Variants in LRRC34 observed in about 807,000 individuals in gnomAD.
LRRC34 encodes leucine-rich repeat-containing protein 34.
Under a neutral mutation model 48.5 loss-of-function variants are expected in LRRC34, and 44 were observed. The ratio of observed to expected loss-of-function variants is 0.91; its 90% CI spans 0.71 to 1.17. The LOEUF (loss-of-function observed/expected upper bound fraction) is 1.17. Among genes scored for constraint, LRRC34 ranks in the 50% most tolerant of loss-of-function variants. The pLI, the probability that LRRC34 is intolerant of heterozygous loss-of-function variation, is 0.00. For synonymous variants in LRRC34, 192 were observed against 197.6 expected, an observed-to-expected ratio of 0.97 and a Z score of 0.24; for missense variants, 502 against 563.0, an observed-to-expected ratio of 0.89 and a Z score of 1.10.
rs1779010015 is a variant in LRRC34 at position 169,796,877 on chromosome 3, C to G, written c.776G>C (p.Gly259Ala). 2 of 1,600,832 alleles carry G rather than the reference C, an allele frequency of 1.2e-6. No homozygotes were observed. The highest frequency in any genetic ancestry group is 1.7e-5 in the Admixed American group (1 of 57,564). The change falls in exon 8 of 11, where the codon GGC (glycine) becomes GCC (alanine). Residue 259 changes from glycine (G) to alanine (A), a missense_variant. Coordinates refer to ENST00000446859, the MANE Select transcript of LRRC34 (RefSeq NM_001172779.2). ...SEQEESTVHVGRMLKENHCLV... is the reference protein window; with the variant it reads ...SEQEESTVHVARMLKENHCLV... ...ACAGTGATTTTCTTTCAACATGCGG[C>G]CTACATGGACTGTAGACTCTTCCTA... is the stretch of plus-strand genomic sequence containing the variant.
In LRRC34 at chr3:169,812,587, G is replaced by A; in HGVS notation, c.-39C>T. 4 of 1,433,598 alleles carry A rather than the reference G, an allele frequency of 2.8e-6. No homozygotes were observed. Among genetic ancestry groups the A allele is most frequent in the Non-Finnish European group, 3.6e-6 (4 of 1,100,732 alleles). The allele number at this position is 1,433,598 out of a possible 1,614,324, so 88.8% of individuals were successfully genotyped here. On this transcript the variant is annotated 5_prime_UTR_variant, in exon 1 of 11. Coordinates refer to ENST00000446859, the MANE Select transcript of LRRC34 (RefSeq NM_001172779.2). The surrounding 1 kb of genome is among the most constrained non-coding windows in gnomAD (Gnocchi z 4.3). The stretch of plus-strand genomic sequence containing the variant: ...GCACTTACAGTCCGCCTGCAGCTGT[G>A]AGGCGGCTACACGAGCCTCGGCGCC...
chr3:169,806,097 A>G (rs1373768059), intron 5 of LRRC34, among the ~76,000 whole-genome samples: 2 of 152,166 alleles, frequency 1.3e-5, no homozygotes, highest in African/African-American at 2.4e-5. Context: ...AGATTAAAAG[A>G]ATAGAATTGA....
chr3:169,807,896 C>G, intron 2 of LRRC34, 187 bp from the exon 3 acceptor site: 1 of 640,894 alleles, frequency 1.6e-6, no homozygotes, highest in Non-Finnish European at 2.4e-6. Context: ...ACTGAACATT[C>G]TGCAGACTGC....
At position 169,812,803 on chromosome 3, in the gene LRRC34, T is replaced by TG. The variant is rs1779651390; in HGVS notation, c.-256dup. Reference sequence around the variant, plus strand: ...AGGGGCTCCGCTGCTGAGCTAGGGCTGGGGCTACAAAGAAGATTATGACAA... The same window carrying TG: ...AGGGGCTCCGCTGCTGAGCTAGGGCTGGGGGCTACAAAGAAGATTATGACAA... On this transcript the variant is annotated 5_prime_UTR_variant, in exon 1 of 11. An upstream open reading frame in the 5' UTR gains an earlier in-frame stop. Coordinates refer to ENST00000446859, the MANE Select transcript of LRRC34 (RefSeq NM_001172779.2). This position sits in a 1 kb window ranked among gnomAD's most constrained non-coding sequence, Gnocchi z 4.3. 1 of 487,974 alleles carries TG rather than the reference T, an allele frequency of 2.0e-6. No homozygotes were observed. The highest frequency in any genetic ancestry group is 3.3e-5 in the South Asian group (1 of 30,224). The allele number at this position is 487,974 out of a possible 1,614,324, so 30.2% of individuals were successfully genotyped here. A position where few individuals can be genotyped will look rare whatever the true frequency, so the allele number is the denominator to read the frequency against.
intron 4 of LRRC34, 40 bp downstream of exon 4, chr3:169,807,386 T>C (rs758909807): frequency 2.5e-6 from 4 of 1,571,416 alleles, no homozygotes; most frequent in South Asian, 1.1e-5. Flanking sequence ...ATTGGTTTCA[T>C]TGTAAATGGA....
intron 1 of LRRC34, among the ~76,000 whole-genome samples, chr3:169,810,728 A>C (rs557899720): frequency 1.3e-5 from 2 of 152,354 alleles, no homozygotes; most frequent in East Asian, 3.9e-4. Context: ...TAAAACGTGC[A>C]CACTCTGCAA....
At chr3:169,797,031 C>T (rs141807372) in intron 7 of LRRC34, 132 bp from the exon 8 acceptor site, 14,017 of 627,216 alleles carry the variant, frequency 0.022, 219 homozygotes, top group Middle Eastern at 0.038. Context: ...CCACAATTTG[C>T]ATTTGTTTGG....
chr3:169,797,914 TAA>T (rs1393757183), intron 7 of LRRC34, among the ~76,000 whole-genome samples: 1 of 152,182 alleles, frequency 6.6e-6, no homozygotes, highest in Non-Finnish European at 1.5e-5. Flanking sequence ...AGTTAACTAA[TAA>T]AAGGTACCTA....
chr3:169,796,622 A>G, intron 8 of LRRC34, 123 bp downstream of exon 8: 1 of 1,076,496 alleles, frequency 9.3e-7, no homozygotes. Context: ...AGGATTGACA[A>G]TTGGTTGCAG....
At chr3:169,796,063 GAAATGT>G (rs1778975267) in intron 9 of LRRC34, 145 bp downstream of exon 9, 1 of 1,310,480 alleles carries the variant, frequency 7.6e-7, no homozygotes, top group African/African-American at 1.5e-5. Flanking sequence ...TTGAAAAATA[GAAATGT>G]AAATGTTTAC....
At chr3:169,795,421 T>C in intron 10 of LRRC34, 64 bp downstream of exon 10, 1 of 1,500,282 alleles carries the variant, frequency 6.7e-7, no homozygotes, top group Non-Finnish European at 9.0e-7. Context: ...CTGTAAATAA[T>C]ATCTGATGTT....
In LRRC34 at chr3:169,806,852, A is replaced by G; in HGVS notation, c.524T>C (p.Leu175Pro). The change falls in exon 5 of 11, where the codon CTA becomes CCA. Residue 175 changes from leucine to proline, a missense_variant. Transcript: ENST00000446859. ...PEGGELIAKV[L>P]HKNRTLKYLR... ...TTGAAATACATAAATGCTTACATGT[A>G]GCACTTTAGCAATCAATTCTCCACC... The G allele has an allele frequency of 6.3e-7, 1 of 1,587,486 alleles. No homozygotes were observed. Among genetic ancestry groups the G allele is most frequent in the Non-Finnish European group, 8.6e-7 (1 of 1,158,742 alleles).
At chr3:169,800,902 T>C in intron 6 of LRRC34, 148 bp from the exon 7 acceptor site, 1 of 614,886 alleles carries the variant, frequency 1.6e-6, no homozygotes, top group Non-Finnish European at 2.8e-6. Context: ...GTTGATCAAA[T>C]TCAAAAATGA....
intron 10 of LRRC34, chr3:169,794,298 C>A (rs1306169647): frequency 6.3e-6 from 1 of 158,642 alleles, no homozygotes; most frequent in Non-Finnish European, 1.4e-5. Context: ...TTTGGACATA[C>A]AATTATATAG....
chr3:169,795,581 T>C lies in LRRC34; in HGVS notation c.1095A>G (p.Gly365=). ...ATTGTGAAAGTGCAACAAGTCCTTCTCCCTCTATGTTGTTGCTGACTACTG... is the reference window on the plus strand; with the variant it reads ...ATTGTGAAAGTGCAACAAGTCCTTCCCCCTCTATGTTGTTGCTGACTACTG... ...ALSVVSNNIE[G]EGLVALSQSM... Residue 365 remains glycine, a synonymous_variant, in exon 10 of 11, where the codon GGA becomes GGG. Transcript: ENST00000446859. 6.2e-7 allele frequency: 1 copy of C among 1,612,556 alleles called. No homozygotes were observed. Among genetic ancestry groups the C allele is most frequent in the Non-Finnish European group, 8.5e-7 (1 of 1,178,994 alleles).
chr3:169,800,893 T>C, intron 6 of LRRC34, 139 bp from the exon 7 acceptor site: 5 of 620,582 alleles, frequency 8.1e-6, no homozygotes, highest in South Asian at 6.1e-5. Flanking sequence ...GAATTGTAAG[T>C]TGATCAAATT....
At chr3:169,796,100 G>T (rs1778976980) in intron 9 of LRRC34, 114 bp downstream of exon 9, 3 of 1,385,378 alleles carry the variant, frequency 2.2e-6, no homozygotes, top group Non-Finnish European at 9.4e-7. Context: ...TACTATGTCA[G>T]TTTAGAAGCT....
At position 169,800,806 on chromosome 3, in the gene LRRC34, G is replaced by A. The variant is rs78818603; in HGVS notation, c.658-52C>T. 6.2e-3 allele frequency: 7,041 copies of A among 1,142,526 alleles called. 243 individuals carry two copies. In the East Asian group the frequency reaches 0.097, roughly 16 times the overall value. The allele number at this position is 1,142,526 out of a possible 1,614,324, so 70.8% of individuals were successfully genotyped here. A position where few individuals can be genotyped will look rare whatever the true frequency, so the allele number is the denominator to read the frequency against. On this transcript the variant is annotated intron_variant, in intron 6 of 10. Coordinates refer to ENST00000446859, the MANE Select transcript of LRRC34 (RefSeq NM_001172779.2). ...AACAGACAAAGTATATAATAATCTC[G>A]CTACATAAATATTTCAAGATCAGCT...
rs1421579724 is a variant in LRRC34 at position 169,793,609 on chromosome 3, A to G, written c.*26T>C. 3.3e-6 allele frequency: 5 copies of G among 1,513,338 alleles called. No homozygotes were observed. In the African/African-American group the frequency reaches 5.5e-5, roughly 17 times the overall value. 93.7% of individuals were successfully genotyped at this position (1,513,338 alleles called of 1,614,324 possible). On this transcript the variant is annotated 3_prime_UTR_variant, in exon 11 of 11. Coordinates refer to ENST00000446859, the MANE Select transcript of LRRC34 (RefSeq NM_001172779.2). ...CTCTGTGAAACAATAAGACAAGTGTATGAAAATTATTTTACAGCTACTTTT... is the reference window on the plus strand; with the variant it reads ...CTCTGTGAAACAATAAGACAAGTGTGTGAAAATTATTTTACAGCTACTTTT...
Sources: allele counts gnomAD v4.1 joint callset (sites outside exome capture counted in the v4.1 genomes callset), GRCh38; gene constraint gnomAD v4.1.1; non-coding constraint Gnocchi (gnomAD v3.1); transcripts MANE v1.5; gene names NCBI Gene and HGNC (gene_info 2026-07-23, HGNC 2026-07-21).